The following DKK2 variants were observed in gnomAD, a reference collection of about 807,000 sequenced individuals.
DKK2 encodes dickkopf Wnt signaling pathway inhibitor 2.
A neutral mutation model predicts 28.1 loss-of-function variants in DKK2; 11 were observed. The observed-to-expected ratio is 0.39, with a 90% CI of 0.25 to 0.65. The LOEUF (loss-of-function observed/expected upper bound fraction) is 0.65. Among genes scored for constraint, DKK2 ranks in the 30% least tolerant of loss-of-function variants. The pLI is 0.47. For synonymous variants in DKK2, 135 were observed against 126.5 expected (o/e 1.07, Z -0.45); for missense variants, 326 against 335.5 (o/e 0.97, Z 0.22).
At chr4:107,002,226 A>G (rs1209589103) in intron 1 of DKK2, among the ~76,000 whole-genome samples, 3 of 152,224 alleles carry the variant, frequency 2.0e-5, no homozygotes, top group Non-Finnish European at 2.9e-5. Context: ...TACAATGTCT[A>G]ATTTCATAGT....
intron 1 of DKK2, among the ~76,000 whole-genome samples, chr4:106,935,456 G>C (rs545231439): frequency 6.6e-6 from 1 of 152,348 alleles, no homozygotes; most frequent in South Asian, 2.1e-4. Context: ...ACCTGGCTCG[G>C]AGGGTCCTAC....
intron 1 of DKK2, among the ~76,000 whole-genome samples, chr4:107,009,611 C>A (rs1723486987): frequency 6.6e-6 from 1 of 151,426 alleles, no homozygotes; most frequent in African/African-American, 2.4e-5. Context: ...AAGGGTAGAG[C>A]AAAGGAAAAA....
intron 1 of DKK2, among the ~76,000 whole-genome samples, chr4:107,002,427 T>G (rs1226323282): frequency 6.6e-6 from 1 of 152,204 alleles, no homozygotes. Flanking sequence ...AAAAAATTTA[T>G]TTTTACAAAG....
At chr4:106,958,761 C>G (rs926464962) in intron 1 of DKK2, among the ~76,000 whole-genome samples, 5 of 150,806 alleles carry the variant, frequency 3.3e-5, no homozygotes, top group African/African-American at 1.2e-4. Flanking sequence ...CGCCTGAACC[C>G]CGAAGACAGA....
chr4:106,941,235 G>A (rs925524514), intron 1 of DKK2, among the ~76,000 whole-genome samples: 1 of 151,960 alleles, frequency 6.6e-6, no homozygotes, highest in Non-Finnish European at 1.5e-5. Context: ...AAAATAAACA[G>A]TAAGTCTGTT....
intron 1 of DKK2, among the ~76,000 whole-genome samples, chr4:106,944,476 C>T (rs896960899): frequency 1.3e-5 from 2 of 151,998 alleles, no homozygotes; most frequent in African/African-American, 2.4e-5. Flanking sequence ...TAGAAACATC[C>T]ATATATTTTT....
intron 1 of DKK2, among the ~76,000 whole-genome samples, chr4:106,946,829 G>A (rs1396146879): frequency 6.6e-6 from 1 of 151,908 alleles, no homozygotes; most frequent in African/African-American, 2.4e-5. Flanking sequence ...GAGTTAACTG[G>A]GCTTATAAAT....
chr4:107,016,878 T>G (rs1723615344), intron 1 of DKK2, among the ~76,000 whole-genome samples: 1 of 151,846 alleles, frequency 6.6e-6, no homozygotes, highest in Non-Finnish European at 1.5e-5. Context: ...AAATATTTAG[T>G]AGTGGAAATG....
intron 1 of DKK2, among the ~76,000 whole-genome samples, chr4:107,013,013 A>G (rs1009389880): frequency 6.6e-6 from 1 of 151,030 alleles, no homozygotes; most frequent in African/African-American, 2.4e-5. Flanking sequence ...CCACCATCCA[A>G]CCCAAGAACT....
At chr4:107,003,548 T>C (rs1156611011) in intron 1 of DKK2, among the ~76,000 whole-genome samples, 1 of 152,218 alleles carries the variant, frequency 6.6e-6, no homozygotes, top group African/African-American at 2.4e-5. Context: ...CAAAGATCAG[T>C]AGCACTGCCC....
Position 106,962,491 on chromosome 4 carries a change from A to ATGTGTG in DKK2, c.223-36548_223-36543dup, listed in dbSNP as rs59831895. Among the ~76,000 whole-genome samples, 285 of 117,682 alleles carry ATGTGTG rather than the reference A, an allele frequency of 2.4e-3. 2 individuals are homozygous for ATGTGTG. Among genetic ancestry groups the ATGTGTG allele is most frequent in the East Asian group, 7.4e-3 (25 of 3,382 alleles). 77.2% of individuals were successfully genotyped at this position (117,682 alleles called of 152,430 possible). ...TTCAAGAAATGGAGCCAGAAAAACT[A>ATGTGTG]TGTGTGTGTGTGTGTGTGTGTGTGT... On this transcript the variant is annotated intron_variant, in intron 1 of 3. Transcript: ENST00000285311.
At chr4:106,937,826 G>A (rs188776784) in intron 1 of DKK2, among the ~76,000 whole-genome samples, 8 of 151,780 alleles carry the variant, frequency 5.3e-5, no homozygotes, top group Non-Finnish European at 1.2e-4. Context: ...CTCAAAACCG[G>A]TCAACTACAT....
chr4:106,951,219 GAGAA>G (rs1229971496), intron 1 of DKK2, among the ~76,000 whole-genome samples: 3 of 151,998 alleles, frequency 2.0e-5, no homozygotes, highest in African/African-American at 4.8e-5. Flanking sequence ...ATGTAAAAGA[GAGAA>G]AGAGTGGGAA....
chr4:107,018,496 G>C (rs550004175), intron 1 of DKK2, among the ~76,000 whole-genome samples: 1 of 152,206 alleles, frequency 6.6e-6, no homozygotes, highest in South Asian at 2.1e-4. Flanking sequence ...ATATCTGAGA[G>C]ATGACAAGTA....
At chr4:107,020,938 C>T (rs1198823654) in intron 1 of DKK2, among the ~76,000 whole-genome samples, 1 of 152,036 alleles carries the variant, frequency 6.6e-6, no homozygotes, top group Non-Finnish European at 1.5e-5. Context: ...GGTTCATTAA[C>T]TGCTTCTGGA....
At chr4:106,966,614 G>T (rs1203582358) in intron 1 of DKK2, among the ~76,000 whole-genome samples, 2 of 152,130 alleles carry the variant, frequency 1.3e-5, no homozygotes, top group African/African-American at 4.8e-5. Context: ...GCATCTTAAT[G>T]AAGAGCCTAG....
chr4:106,993,743 C>G (rs759759757), intron 1 of DKK2, among the ~76,000 whole-genome samples: 15 of 152,094 alleles, frequency 9.9e-5, no homozygotes, highest in Non-Finnish European at 1.8e-4. Flanking sequence ...TAAAAGTCTT[C>G]CCAAATTCAT....
chr4:107,002,427 T>C (rs1226323282), intron 1 of DKK2, among the ~76,000 whole-genome samples: 2 of 152,204 alleles, frequency 1.3e-5, no homozygotes, highest in Non-Finnish European at 2.9e-5. Flanking sequence ...AAAAAATTTA[T>C]TTTTACAAAG....
intron 1 of DKK2, among the ~76,000 whole-genome samples, chr4:107,032,849 T>C (rs550036148): frequency 9.5e-4 from 144 of 152,266 alleles, no homozygotes; most frequent in Non-Finnish European, 1.7e-3. Context: ...AAAATTCAGC[T>C]CAGCTACCTT....
Sources: gnomAD v4.1 joint callset for allele counts (sites outside exome capture counted in the v4.1 genomes callset) on GRCh38, gnomAD v4.1.1 for gene constraint, MANE v1.5 for transcripts, NCBI Gene and HGNC (gene_info 2026-07-23, HGNC 2026-07-21) for gene names.